Variants in IQCM observed in about 807,000 individuals in gnomAD.
IQCM encodes IQ domain-containing protein M.
Under a neutral mutation model 57.6 loss-of-function variants are expected in IQCM, and 45 were observed. The observed-to-expected ratio is 0.78, with a 90% CI of 0.62 to 1.00. The LOEUF is 1.00. Among genes scored for constraint, IQCM ranks in the 50% least tolerant of loss-of-function variants. The probability of loss-of-function intolerance (pLI) is 0.00; values close to 1 mark genes in which losing one functional copy is unlikely to be tolerated. For missense variants in IQCM, 468 were observed against 511.6 expected (o/e 0.91, Z 0.82); for synonymous variants, 148 against 158.9 (o/e 0.93, Z 0.51).
chr4:149,436,442 T>G lies in IQCM; in HGVS notation c.1229-2885A>C, dbSNP rs184191692. On this transcript the variant is annotated intron_variant, in intron 12 of 13. Transcript: ENST00000636793. The stretch of plus-strand genomic sequence containing the variant: ...GATAACATAAAGATAAATGTAACAT[T>G]AGACACATATCGAAGGTTTGTAGCT... 1.1e-3 allele frequency among the ~76,000 whole-genome samples: 175 copies of G among 152,210 alleles called. 1 individual carries two copies. Among genetic ancestry groups the G allele is most frequent in the African/African-American group, 4.1e-3 (172 of 41,560 alleles).
At chr4:149,481,715 T>TTTTGTTTTTTGTTTTTTG (rs2149753491) in intron 12 of IQCM, among the ~76,000 whole-genome samples, 1 of 138,396 alleles carries the variant, frequency 7.2e-6, no homozygotes, top group Non-Finnish European at 1.6e-5. Context: ...TTTTTTTTTT[T>TTTTGTTTTTTGTTTTTTG]TTTTTTTGCT....
At chr4:149,674,371 T>C (rs892919235) in intron 7 of IQCM, among the ~76,000 whole-genome samples, 3 of 152,178 alleles carry the variant, frequency 2.0e-5, no homozygotes, top group Non-Finnish European at 2.9e-5. Context: ...CTAAAGGATT[T>C]AGTATGAACA....
At chr4:149,768,515 A>T (rs2149981518) in intron 2 of IQCM, among the ~76,000 whole-genome samples, 1 of 152,266 alleles carries the variant, frequency 6.6e-6, no homozygotes, top group South Asian at 2.1e-4. Context: ...TTTTTGGACA[A>T]GTGCATTTTA....
At chr4:149,466,609 C>A (rs1738883808) in intron 12 of IQCM, among the ~76,000 whole-genome samples, 1 of 152,130 alleles carries the variant, frequency 6.6e-6, no homozygotes, top group Non-Finnish European at 1.5e-5. Context: ...GCAAGAATGC[C>A]AGTGGGAAGA....
rs900880286 is a variant in IQCM at position 149,662,176 on chromosome 4, C to A, written c.565+19942G>T. On this transcript the variant is annotated intron_variant, in intron 7 of 13. Transcript: ENST00000636793. The stretch of plus-strand genomic sequence containing the variant: ...TTTGTCACAAGGTATTTTTATATTT[C>A]CCTTTTAATTTCCTCATTGATCCAC... 2.0e-5 allele frequency among the ~76,000 whole-genome samples: 3 copies of A among 151,830 alleles called. No homozygotes were observed. In the East Asian group the frequency reaches 5.8e-4, roughly 29 times the overall value.
intron 2 of IQCM, among the ~76,000 whole-genome samples, chr4:149,744,329 C>T (rs1026595952): frequency 3.3e-5 from 5 of 152,176 alleles, no homozygotes; most frequent in African/African-American, 1.2e-4. Flanking sequence ...ACAATCAGAA[C>T]TCATCTTCTG....
At chr4:149,680,914 T>A (rs932589445) in intron 7 of IQCM, among the ~76,000 whole-genome samples, 4 of 151,326 alleles carry the variant, frequency 2.6e-5, no homozygotes, top group African/African-American at 9.7e-5. Flanking sequence ...AAAATAAGAC[T>A]TAAATGAATT....
chr4:149,524,957 C>CA (rs1257150131), intron 12 of IQCM, among the ~76,000 whole-genome samples: 4 of 151,554 alleles, frequency 2.6e-5, no homozygotes, highest in South Asian at 2.1e-4. Context: ...CACTATTAAT[C>CA]AAAAAAATTG....
In IQCM at chr4:149,535,560, T is replaced by C. The variant is rs533932155; in HGVS notation, c.1228+12895A>G. On this transcript the variant is annotated intron_variant, in intron 12 of 13. Transcript: ENST00000636793. Reference sequence around the variant, plus strand: ...ACTTATGAAAGTAATTATACCTTTATTGAAGTTACACCATTCTAAAGCCCC... The same window carrying C: ...ACTTATGAAAGTAATTATACCTTTACTGAAGTTACACCATTCTAAAGCCCC... Among the ~76,000 whole-genome samples, 3 of 152,202 alleles carry C rather than the reference T, an allele frequency of 2.0e-5. 1 individual carries two copies. The East Asian group carries it at 5.8e-4, about 29-fold the overall frequency.
intron 13 of IQCM, among the ~76,000 whole-genome samples, chr4:149,400,449 C>T (rs1732540343): frequency 6.6e-6 from 1 of 151,982 alleles, no homozygotes; most frequent in Non-Finnish European, 1.5e-5. Context: ...GCATGAGATA[C>T]ATTCATATAT....
intron 7 of IQCM, among the ~76,000 whole-genome samples, chr4:149,679,407 T>TA (rs1172562477): frequency 1.3e-5 from 2 of 151,500 alleles, no homozygotes; most frequent in Non-Finnish European, 3.0e-5. Context: ...AAATAAGATG[T>TA]AAATATATGG....
At chr4:149,674,586 A>C (rs1237488902) in intron 7 of IQCM, among the ~76,000 whole-genome samples, 1 of 152,120 alleles carries the variant, frequency 6.6e-6, no homozygotes, top group African/African-American at 2.4e-5. Context: ...CCTTTGGGCG[A>C]AGCATGAAAA....
intron 2 of IQCM, among the ~76,000 whole-genome samples, chr4:149,810,817 G>A (rs189780106): frequency 1.3e-5 from 2 of 152,142 alleles, no homozygotes; most frequent in African/African-American, 4.8e-5. Flanking sequence ...ATTTGGATTG[G>A]GTGATAAATC....
At chr4:149,555,619 T>C (rs1749507157) in intron 10 of IQCM, among the ~76,000 whole-genome samples, 1 of 152,238 alleles carries the variant, frequency 6.6e-6, no homozygotes. Flanking sequence ...TTCCTTTATG[T>C]TTATGAACTT....
intron 2 of IQCM, among the ~76,000 whole-genome samples, chr4:149,763,044 T>C (rs1330814455): frequency 6.6e-6 from 1 of 152,098 alleles, no homozygotes; most frequent in Admixed American, 6.6e-5. Flanking sequence ...TTCAAAAGGC[T>C]ATGGCGTGCA....
intron 2 of IQCM, among the ~76,000 whole-genome samples, chr4:149,762,913 GTTAAAT>G (rs1769673313): frequency 6.6e-6 from 1 of 151,858 alleles, no homozygotes; most frequent in African/African-American, 2.4e-5. Context: ...TCATAAACGT[GTTAAAT>G]TTAAATACAT....
At chr4:149,395,188 C>T (rs1253149192) in intron 13 of IQCM, among the ~76,000 whole-genome samples, 1 of 151,954 alleles carries the variant, frequency 6.6e-6, no homozygotes, top group Non-Finnish European at 1.5e-5. Flanking sequence ...TTGTTTTGAT[C>T]ACACGTTCCT....
At chr4:149,685,929 C>T (rs1273885905) in intron 6 of IQCM, among the ~76,000 whole-genome samples, 5 of 151,448 alleles carry the variant, frequency 3.3e-5, no homozygotes, top group Non-Finnish European at 5.9e-5. Context: ...CTCAGAATTC[C>T]TGTGTTCAAA....
At chr4:149,563,173 G>C (rs1027705214) in intron 10 of IQCM, among the ~76,000 whole-genome samples, 4 of 152,136 alleles carry the variant, frequency 2.6e-5, no homozygotes, top group Non-Finnish European at 5.9e-5. Flanking sequence ...TTTGAAATTG[G>C]ACATTTATGC....
Sources: gnomAD v4.1 joint callset for allele counts (sites outside exome capture counted in the v4.1 genomes callset) on GRCh38, gnomAD v4.1.1 for gene constraint, MANE v1.5 for transcripts, NCBI Gene and HGNC (gene_info 2026-07-23, HGNC 2026-07-21) for gene names.